The following ADCY8 variants were observed in gnomAD, a reference collection of about 807,000 sequenced individuals.
ADCY8 encodes adenylate cyclase 8, also known as adenylate cyclase type 8.
Under a neutral mutation model 119.7 loss-of-function variants are expected in ADCY8, and 51 were observed. The ratio of observed to expected loss-of-function variants is 0.43; its 90% CI spans 0.34 to 0.54. ADCY8 has a LOEUF of 0.54. ADCY8 is among the 20% of genes least tolerant of loss of function. The pLI, the probability that ADCY8 is intolerant of heterozygous loss-of-function variation, is 0.03. For missense variants in ADCY8, 1,383 were observed against 1,598.8 expected (o/e 0.87, Z 2.30); for synonymous variants, 665 against 651.0 (o/e 1.02, Z -0.33).
chr8:130,987,520 G>A (rs539880022), intron 2 of ADCY8, among the ~76,000 whole-genome samples: 1 of 152,060 alleles, frequency 6.6e-6, no homozygotes, highest in African/African-American at 2.4e-5. Flanking sequence ...AATCATGAGT[G>A]CTTGAAAAAT....
At position 131,040,188 on chromosome 8, in the gene ADCY8, C is replaced by G. The variant is rs1236811169; in HGVS notation, c.146G>C (p.Arg49Pro). The G allele has an allele frequency of 2.7e-5, 42 of 1,534,726 alleles. No individual in the cohort carries two copies. Among genetic ancestry groups the G allele is most frequent in the Non-Finnish European group, 3.4e-5 (39 of 1,146,668 alleles). ...QTAVRHITEQ[R>P]FIHGHRGGSG... ...GCCTCCCCGGTGCCCGTGAATGAAG[C>G]GCTGCTCCGTGATGTGTCGCACCGC... The change falls in exon 1 of 18, where the codon CGC becomes CCC. Residue 49 changes from arginine to proline, a missense_variant. Coordinates refer to ENST00000286355, the MANE Select transcript of ADCY8 (RefSeq NM_001115.3).
rs76909690 is a variant in ADCY8, at chr8:130,936,405, G to T, written c.1481+668C>A. On this transcript the variant is annotated intron_variant, in intron 5 of 17. Transcript: ENST00000286355. ...AATTTCCTATTGGCCATAGGATAAA[G>T]TGCAACCTCTTAACATGACTGAGAA... Among the ~76,000 whole-genome samples the T allele has an allele frequency of 1.4e-3, 209 of 152,306 alleles. 1 individual carries two copies. Among genetic ancestry groups the T allele is most frequent in the East Asian group, 9.5e-3 (49 of 5,184 alleles).
chr8:130,984,916 A>G (rs1822351279), intron 2 of ADCY8, among the ~76,000 whole-genome samples: 1 of 152,182 alleles, frequency 6.6e-6, no homozygotes, highest in African/African-American at 2.4e-5. Context: ...AGAGATGCTG[A>G]TGTGGGAACA....
intron 14 of ADCY8, among the ~76,000 whole-genome samples, chr8:130,812,471 G>T (rs1239219082): frequency 6.6e-6 from 1 of 152,214 alleles, no homozygotes; most frequent in African/African-American, 2.4e-5. Flanking sequence ...CAATTAGGGT[G>T]AGCCCTAAAT....
At chr8:130,859,753 C>T (rs1270030973) in intron 9 of ADCY8, among the ~76,000 whole-genome samples, 1 of 152,182 alleles carries the variant, frequency 6.6e-6, no homozygotes, top group Non-Finnish European at 1.5e-5. Context: ...TTACAGTATA[C>T]TGAATGCACT....
chr8:130,999,066 G>C (rs1822863766), intron 1 of ADCY8, among the ~76,000 whole-genome samples: 1 of 152,060 alleles, frequency 6.6e-6, no homozygotes, highest in African/African-American at 2.4e-5. Flanking sequence ...CTTTTTATAT[G>C]TCCATCAACC....
At chr8:130,850,952 C>CT (rs1817506471) in intron 9 of ADCY8, among the ~76,000 whole-genome samples, 1 of 152,100 alleles carries the variant, frequency 6.6e-6, no homozygotes. Context: ...CTTTTTATCT[C>CT]TTTTTTTCCA....
intron 1 of ADCY8, 179 bp from the exon 2 acceptor site, chr8:130,990,721 G>A: frequency 1.4e-6 from 1 of 694,764 alleles, no homozygotes; most frequent in Non-Finnish European, 2.2e-6. Flanking sequence ...TCATCCCTTT[G>A]GAGAGGGCTT....
intron 8 of ADCY8, among the ~76,000 whole-genome samples, chr8:130,872,970 T>G (rs1365232847): frequency 6.6e-6 from 1 of 152,204 alleles, no homozygotes; most frequent in Non-Finnish European, 1.5e-5. Context: ...GAAATCATAG[T>G]CATGAGGGTC....
intron 1 of ADCY8, among the ~76,000 whole-genome samples, chr8:131,028,459 G>T (rs1329638963): frequency 6.6e-6 from 1 of 152,122 alleles, no homozygotes; most frequent in African/African-American, 2.4e-5. Context: ...GGCTGGGAAG[G>T]CTCACCCGAT....
intron 7 of ADCY8, among the ~76,000 whole-genome samples, chr8:130,895,318 T>C (rs747867569): frequency 1.3e-5 from 2 of 152,106 alleles, no homozygotes; most frequent in Non-Finnish European, 2.9e-5. Flanking sequence ...TAGCAGGTTA[T>C]CAGCCATGGG....
rs181756240 is a variant in ADCY8 at position 130,909,495 on chromosome 8, C to T, written c.1640+213G>A. 7.4e-3 allele frequency among the ~76,000 whole-genome samples: 1,132 copies of T among 152,288 alleles called. 15 individuals are homozygous for T. Among genetic ancestry groups the T allele is most frequent in the South Asian group, 0.011 (52 of 4,830 alleles). On this transcript the variant is annotated intron_variant, in intron 6 of 17. Coordinates refer to ENST00000286355, the MANE Select transcript of ADCY8 (RefSeq NM_001115.3). ...ACCAATGCTGTGCAGGGCAGAGACC[C>T]GAACACCTCAGTGTTATTCCACATC...
At chr8:130,850,603 C>T (rs1220742886) in intron 9 of ADCY8, among the ~76,000 whole-genome samples, 1 of 152,150 alleles carries the variant, frequency 6.6e-6, no homozygotes, top group African/African-American at 2.4e-5. Flanking sequence ...TTTTCCATCT[C>T]TATTTCAGGC....
At chr8:130,948,283 A>G (rs889175092) in intron 3 of ADCY8, among the ~76,000 whole-genome samples, 1 of 152,232 alleles carries the variant, frequency 6.6e-6, no homozygotes, top group African/African-American at 2.4e-5. Flanking sequence ...TGGGGGAAAA[A>G]CAGGAAAGAT....
intron 3 of ADCY8, among the ~76,000 whole-genome samples, chr8:130,951,534 T>C (rs565229842): frequency 6.6e-6 from 1 of 152,318 alleles, no homozygotes; most frequent in Admixed American, 6.5e-5. Context: ...TGATCACACC[T>C]GAAACCCCCA....
At chr8:130,823,808 AT>A (rs1190342077) in intron 12 of ADCY8, among the ~76,000 whole-genome samples, 1 of 152,186 alleles carries the variant, frequency 6.6e-6, no homozygotes, top group Non-Finnish European at 1.5e-5. Flanking sequence ...AGTTAACTAA[AT>A]GTCATTTCCT....
chr8:130,934,562 G>A (rs1820729334), intron 5 of ADCY8, among the ~76,000 whole-genome samples: 1 of 152,032 alleles, frequency 6.6e-6, no homozygotes, highest in African/African-American at 2.4e-5. Flanking sequence ...GAACCATATC[G>A]CAGTCCCATT....
At chr8:130,871,598 TTTC>T (rs1293889562) in intron 8 of ADCY8, among the ~76,000 whole-genome samples, 1 of 152,214 alleles carries the variant, frequency 6.6e-6, no homozygotes, top group Non-Finnish European at 1.5e-5. Flanking sequence ...ATTTCTATAC[TTTC>T]TTCTATGTGA....
intron 11 of ADCY8, among the ~76,000 whole-genome samples, chr8:130,846,131 GC>G (rs1271139956): frequency 6.6e-6 from 1 of 152,136 alleles, no homozygotes; most frequent in East Asian, 1.9e-4. Context: ...ACTACAGGGA[GC>G]CTTTTCTCCA....
Sources: gnomAD v4.1 joint callset for allele counts (sites outside exome capture counted in the v4.1 genomes callset) on GRCh38, gnomAD v4.1.1 for gene constraint, MANE v1.5 for transcripts, NCBI Gene and HGNC (gene_info 2026-07-23, HGNC 2026-07-21) for gene names.